TTLL11: variants seen among roughly 807,000 people sequenced by gnomAD.
The protein encoded by TTLL11 is tubulin polyglutamylase TTLL11.
Under a neutral mutation model 51.7 loss-of-function variants are expected in TTLL11, and 42 were observed. That is an observed-to-expected ratio of 0.81 (90% confidence interval 0.64 to 1.05). TTLL11 has a LOEUF of 1.05. Ranked by LOEUF, TTLL11 falls within the 50% of genes least tolerant of loss-of-function variation. TTLL11 has a pLI of 0.00. For synonymous variants in TTLL11, 381 were observed against 383.5 expected (o/e 0.99, Z 0.08); for missense variants, 799 against 940.4 (o/e 0.85, Z 1.97).
intron 1 of TTLL11, among the ~76,000 whole-genome samples, chr9:122,088,184 G>A (rs770617859): frequency 1.3e-5 from 2 of 152,078 alleles, no homozygotes; most frequent in African/African-American, 2.4e-5. Context: ...CTTCTTCATC[G>A]CTCTCCACTC....
chr9:121,868,925 T>C (rs1272500506), intron 7 of TTLL11, among the ~76,000 whole-genome samples: 1 of 152,244 alleles, frequency 6.6e-6, no homozygotes, highest in African/African-American at 2.4e-5. Flanking sequence ...TCAGGCCAGC[T>C]GCTTTATGAT....
intron 6 of TTLL11, among the ~76,000 whole-genome samples, chr9:121,945,785 C>T (rs866485669): frequency 1.3e-5 from 2 of 152,176 alleles, no homozygotes; most frequent in Non-Finnish European, 2.9e-5. Context: ...AATTTAACAA[C>T]CATGGATAAA....
At chr9:121,948,080 C>T (rs1375184745) in intron 6 of TTLL11, among the ~76,000 whole-genome samples, 1 of 152,244 alleles carries the variant, frequency 6.6e-6, no homozygotes, top group Non-Finnish European at 1.5e-5. Context: ...TATTACATGT[C>T]AAGCCCTATT....
In TTLL11 at chr9:121,915,980, G is replaced by GAC. The variant is rs1345897073; in HGVS notation, c.1482-45234_1482-45233dup. ...AGAAATATTGGCATGTATAGACAAA[G>GAC]ACACACACATACACACACACACACA... On this transcript the variant is annotated intron_variant, in intron 6 of 8. Transcript: ENST00000321582. 5.6e-3 allele frequency among the ~76,000 whole-genome samples: 557 copies of GAC among 98,640 alleles called. 6 individuals carry two copies. Among genetic ancestry groups the GAC allele is most frequent in the Admixed American group, 8.7e-3 (65 of 7,458 alleles). 64.7% of individuals were successfully genotyped at this position (98,640 alleles called of 152,430 possible). A position where few individuals can be genotyped will look rare whatever the true frequency, so the allele number is the denominator to read the frequency against.
intron 5 of TTLL11, 95 bp from the exon 6 acceptor site, chr9:121,974,219 G>T: frequency 3.8e-6 from 3 of 790,588 alleles, no homozygotes; most frequent in South Asian, 2.3e-5. Flanking sequence ...AGTAAATTTT[G>T]CTTATGCTAA....
At chr9:122,061,837 C>T (rs1165504992) in intron 1 of TTLL11, among the ~76,000 whole-genome samples, 1 of 152,096 alleles carries the variant, frequency 6.6e-6, no homozygotes, top group African/African-American at 2.4e-5. Flanking sequence ...GGGGTTTCAC[C>T]ACATTGGCCA....
At position 122,043,839 on chromosome 9, in the gene TTLL11, T is replaced by C. The variant is rs1000525636; in HGVS notation, c.463-4471A>G. Among the ~76,000 whole-genome samples, 20 of 152,120 alleles carry C rather than the reference T, an allele frequency of 1.3e-4. 1 individual carries two copies. The highest frequency in any genetic ancestry group is 4.8e-4 in the African/African-American group (20 of 41,508). On this transcript the variant is annotated intron_variant, in intron 1 of 8. Transcript: ENST00000321582. ...AATAGATCAATAGTCAGAATATATA[T>C]ATATTTTTTTCTTTTCTTTTTTTAT...
rs1837714525 is a variant in TTLL11, at chr9:121,853,169, G to A, written c.1840+7168C>T. Among the ~76,000 whole-genome samples, 1 of 152,230 alleles carries A rather than the reference G, an allele frequency of 6.6e-6. No homozygotes were observed. Among genetic ancestry groups the A allele is most frequent in the Non-Finnish European group, 1.5e-5 (1 of 68,038 alleles). ...GCTCAGACACCCATGGGATTGGTGGGTTGCCGCGGCTGAGCCCTGGTCCAT... is the reference window on the plus strand; with the variant it reads ...GCTCAGACACCCATGGGATTGGTGGATTGCCGCGGCTGAGCCCTGGTCCAT... On this transcript the variant is annotated intron_variant, in intron 8 of 8. Transcript: ENST00000321582. The surrounding 1 kb of genome is among the most constrained non-coding windows in gnomAD (Gnocchi z 5.6).
rs1400424253 is a variant in TTLL11, at chr9:121,995,011, A to G, written c.694-5241T>C. Among the ~76,000 whole-genome samples the G allele has an allele frequency of 6.6e-6, 1 of 152,206 alleles. No homozygotes were observed. Among genetic ancestry groups the G allele is most frequent in the Non-Finnish European group, 1.5e-5 (1 of 68,028 alleles). ...TCACAGGGAATATAAGGGAATGAGG[A>G]AAGGCAGAGGGGAGGCAGTGGGAAG... On this transcript the variant is annotated intron_variant, in intron 3 of 8. Coordinates refer to ENST00000321582, the MANE Select transcript of TTLL11 (RefSeq NM_001139442.2). This position sits in a 1 kb window ranked among gnomAD's most constrained non-coding sequence, Gnocchi z 4.4.
intron 8 of TTLL11, among the ~76,000 whole-genome samples, chr9:121,826,314 T>TTATATATATATATGGGTTTA (rs1554756661): frequency 0.021 from 1,903 of 91,742 alleles, 69 homozygotes; most frequent in African/African-American, 0.054. Context: ...ATATATGGGT[T>TTATATATATATATGGGTTTA]TATATATATA....
chr9:121,907,201 A>G (rs968926864), intron 6 of TTLL11, among the ~76,000 whole-genome samples: 2 of 152,068 alleles, frequency 1.3e-5, no homozygotes, highest in African/African-American at 4.8e-5. Context: ...AACTAGAGAC[A>G]CAAATTGGGA....
At chr9:121,956,828 T>C (rs915885606) in intron 6 of TTLL11, among the ~76,000 whole-genome samples, 1 of 152,194 alleles carries the variant, frequency 6.6e-6, no homozygotes, top group Non-Finnish European at 1.5e-5. Context: ...CACCAGGTGA[T>C]TCTGGTGCCC....
At chr9:122,087,469 A>G (rs563322180) in intron 1 of TTLL11, among the ~76,000 whole-genome samples, 1 of 152,356 alleles carries the variant, frequency 6.6e-6, no homozygotes, top group Admixed American at 6.5e-5. Flanking sequence ...GAAAGGCTGG[A>G]TAAATTTCAG....
chr9:121,970,644 A>G (rs1292610102), intron 6 of TTLL11, among the ~76,000 whole-genome samples: 1 of 152,256 alleles, frequency 6.6e-6, no homozygotes, highest in Non-Finnish European at 1.5e-5. Flanking sequence ...CAAAACCCCA[A>G]TGAGATACCA....
At position 122,045,851 on chromosome 9, in the gene TTLL11, C is replaced by A. The variant is rs1319581718; in HGVS notation, c.463-6483G>T. ...CTGAGGAACCTAGAGTAGTCAAATTCATAGAGGCAGAAAGTAGGATGGTGG... is the reference window on the plus strand; with the variant it reads ...CTGAGGAACCTAGAGTAGTCAAATTAATAGAGGCAGAAAGTAGGATGGTGG... On this transcript the variant is annotated intron_variant, in intron 1 of 8. Transcript: ENST00000321582. 4.6e-5 allele frequency among the ~76,000 whole-genome samples: 7 copies of A among 152,240 alleles called. No individual in the cohort carries two copies. In the East Asian group the frequency reaches 1.4e-3, roughly 29 times the overall value.
intron 6 of TTLL11, among the ~76,000 whole-genome samples, chr9:121,962,701 G>A (rs1842271399): frequency 1.3e-5 from 2 of 152,326 alleles, no homozygotes; most frequent in South Asian, 2.1e-4. Flanking sequence ...TTCTGTCTTG[G>A]ACTCTCTCTT....
intron 6 of TTLL11, among the ~76,000 whole-genome samples, chr9:121,952,770 C>T (rs1841891946): frequency 6.6e-6 from 1 of 152,134 alleles, no homozygotes; most frequent in Non-Finnish European, 1.5e-5. Flanking sequence ...GTTCTGGTTC[C>T]CACAAACCTG....
chr9:121,914,427 G>A (rs1450394112), intron 6 of TTLL11, among the ~76,000 whole-genome samples: 1 of 152,222 alleles, frequency 6.6e-6, no homozygotes, highest in Non-Finnish European at 1.5e-5. Flanking sequence ...TTGGGCCAGG[G>A]CATGGAATGA....
intron 6 of TTLL11, among the ~76,000 whole-genome samples, chr9:121,876,565 AG>A (rs1211584085): frequency 6.6e-6 from 1 of 152,212 alleles, no homozygotes; most frequent in Non-Finnish European, 1.5e-5. Flanking sequence ...TGAATGTGAG[AG>A]AAAGGTGCTT....
Sources: gnomAD v4.1 joint callset for allele counts (sites outside exome capture counted in the v4.1 genomes callset) on GRCh38, gnomAD v4.1.1 for gene constraint, Gnocchi (gnomAD v3.1) non-coding constraint, MANE v1.5 for transcripts, NCBI Gene and HGNC (gene_info 2026-07-23, HGNC 2026-07-21) for gene names.